NEB: variants seen among roughly 807,000 people sequenced by gnomAD.
NEB encodes the protein nebulin.
In NEB, 512 loss-of-function variants were observed where a neutral mutation model predicts 952.2. The observed-to-expected ratio is 0.54, with a 90% CI of 0.50 to 0.58. The LOEUF (loss-of-function observed/expected upper bound fraction) is 0.58. NEB is among the 20% of genes least tolerant of loss of function. The probability of loss-of-function intolerance (pLI) is 0.00; values close to 1 mark genes in which losing one functional copy is unlikely to be tolerated. For synonymous variants in NEB, 2,900 were observed against 3,149.8 expected, an observed-to-expected ratio of 0.92 and a Z score of 2.66; for missense variants, 8,428 against 9,231.1, an observed-to-expected ratio of 0.91 and a Z score of 3.56.
In NEB at chr2:151,524,654, C is replaced by CTTTTTTTTTTT. The variant is rs5835371; in HGVS notation, c.22273-49_22273-39dup. 13 of 257,382 alleles carry CTTTTTTTTTTT rather than the reference C, an allele frequency of 5.1e-5. 3 individuals carry two copies. Among genetic ancestry groups the CTTTTTTTTTTT allele is most frequent in the African/African-American group, 4.6e-4 (6 of 13,092 alleles). 15.9% of individuals were successfully genotyped at this position (257,382 alleles called of 1,614,324 possible). ...AGAAAATGTTTACTCAAGAGAGAGGCTTTTTTTTTTTTTTTTTTTTTTTTT... is the reference window on the plus strand; with the variant it reads ...AGAAAATGTTTACTCAAGAGAGAGGCTTTTTTTTTTTTTTTTTTTTTTTTTTTTTTTTTTTT... On this transcript the variant is annotated intron_variant, in intron 151 of 181. Transcript: ENST00000397345.
rs1377050628 is a variant in NEB at position 151,679,737 on chromosome 2, C to T, written c.3239G>A (p.Arg1080Lys). 3 of 1,613,586 alleles carry T rather than the reference C, an allele frequency of 1.9e-6. No homozygotes were observed. In the East Asian group the frequency reaches 6.7e-5, roughly 36 times the overall value. Residue 1080 changes from arginine (R) to lysine (K), a missense_variant, in exon 32 of 182, where the codon AGG becomes AAG. Arg to Lys is a conservative substitution (Grantham distance 26, BLOSUM62 2). Coordinates refer to ENST00000397345, the MANE Select transcript of NEB (RefSeq NM_001164508.2). ...TGGACTTACGTCACTCGCCGCCTGC[C>T]TGGCAGCTTTGGCAGCTCTGATGGG... Reference protein sequence around the residue: ...AIPIRAAKAARQAASDVQYKK... With the variant: ...AIPIRAAKAAKQAASDVQYKK...
intron 181 of NEB, among the ~76,000 whole-genome samples, chr2:151,487,134 C>T (rs568389927): frequency 3.3e-5 from 5 of 152,188 alleles, no homozygotes; most frequent in South Asian, 2.1e-4. Flanking sequence ...TTCTACCTTT[C>T]GAAGAGGTCA....
intron 80 of NEB, 41 bp downstream of exon 80, chr2:151,610,475 G>T: frequency 6.7e-7 from 1 of 1,482,748 alleles, no homozygotes; most frequent in Non-Finnish European, 9.4e-7. Flanking sequence ...GGGTTGTTCA[G>T]CACAGTGGAG....
intron 105 of NEB, among the ~76,000 whole-genome samples, chr2:151,576,965 T>G (rs1434620563): frequency 6.6e-6 from 1 of 152,196 alleles, no homozygotes; most frequent in East Asian, 1.9e-4. Context: ...GTAGTGCCCA[T>G]GTGCATTCTA....
chr2:151,733,305 G>T (rs762043216), intron 2 of NEB, 120 bp from the exon 3 acceptor site: 11 of 714,730 alleles, frequency 1.5e-5, no homozygotes, highest in Non-Finnish European at 2.5e-5. Context: ...ATATATTGTT[G>T]CAGGCTAAAG....
Position 151,548,425 on chromosome 2 carries a change from C to T in NEB, c.20050-10G>A. ...CTTCTTTGTACTTGAACTGCAAAAG[C>T]AAAGTCAGAATGAGATCAATGATGG... On this transcript the variant is annotated splice_polypyrimidine_tract_variant and intron_variant, in intron 130 of 181. Coordinates refer to ENST00000397345, the MANE Select transcript of NEB (RefSeq NM_001164508.2). 6.4e-7 allele frequency: 1 copy of T among 1,568,968 alleles called. No homozygotes were observed. Among genetic ancestry groups the T allele is most frequent in the East Asian group, 2.2e-5 (1 of 44,604 alleles).
chr2:151,563,478 A>G, intron 119 of NEB, 128 bp downstream of exon 119: 3 of 791,230 alleles, frequency 3.8e-6, no homozygotes, highest in South Asian at 3.1e-5. Flanking sequence ...GGTGAGGAAA[A>G]TCTCAGGAAG....
At chr2:151,703,934 C>T in intron 13 of NEB, among the ~76,000 whole-genome samples, 1 of 133,364 alleles carries the variant, frequency 7.5e-6, no homozygotes, top group East Asian at 2.2e-4. Flanking sequence ...AGGAGAGGCG[C>T]TCTGCGTTTT....
intron 10 of NEB, among the ~76,000 whole-genome samples, chr2:151,715,894 T>C (rs903682869): frequency 4.6e-5 from 7 of 152,236 alleles, no homozygotes; most frequent in African/African-American, 1.4e-4. Context: ...AGAATGATTA[T>C]AGACGAGTTT....
chr2:151,538,028 A>G, intron 139 of NEB, 52 bp from the exon 140 acceptor site: 1 of 1,540,342 alleles, frequency 6.5e-7, no homozygotes, highest in Non-Finnish European at 9.0e-7. Context: ...AGTTAATGTA[A>G]ATATGGCTTC....
At chr2:151,679,681 C>CCCCCCA in intron 32 of NEB, 40 bp downstream of exon 32, 1 of 957,200 alleles carries the variant, frequency 1.0e-6, no homozygotes, top group Non-Finnish European at 1.7e-6. Context: ...CACCCACCCA[C>CCCCCCA]ATTTTCTAGT....
At position 151,568,299 on chromosome 2, in the gene NEB, G is replaced by T. The variant is rs1198768331; in HGVS notation, c.17736+17C>A. Reference sequence around the variant, plus strand: ...CCACTCGTACACAAACACCAGGCATGTGGGTGAAACCCATACCTGGTCCAG... The same window carrying T: ...CCACTCGTACACAAACACCAGGCATTTGGGTGAAACCCATACCTGGTCCAG... On this transcript the variant is annotated intron_variant, in intron 112 of 181. Coordinates refer to ENST00000397345, the MANE Select transcript of NEB (RefSeq NM_001164508.2). The T allele has an allele frequency of 6.2e-7, 1 of 1,610,140 alleles. No individual in the cohort carries two copies. The highest frequency in any genetic ancestry group is 1.3e-5 in the African/African-American group (1 of 74,888).
At chr2:151,547,793 T>A in intron 131 of NEB, 55 bp from the exon 132 acceptor site, 1 of 1,160,764 alleles carries the variant, frequency 8.6e-7, no homozygotes, top group Non-Finnish European at 1.3e-6. Context: ...CGAGGGCATC[T>A]ACTGACTAAT....
chr2:151,520,245 G>C (rs1365874297), intron 153 of NEB, among the ~76,000 whole-genome samples: 5 of 152,248 alleles, frequency 3.3e-5, no homozygotes, highest in African/African-American at 1.2e-4. Flanking sequence ...TTTTAAAATA[G>C]TACTTTGGCT....
chr2:151,610,935 A>T (rs1172459658), intron 78 of NEB, 69 bp from the exon 79 acceptor site: 5 of 930,524 alleles, frequency 5.4e-6, no homozygotes, highest in Non-Finnish European at 8.0e-6. Flanking sequence ...AAAGCCAATA[A>T]CATCATTACA....
chr2:151,566,845 C>G (rs1433433730), intron 114 of NEB, among the ~76,000 whole-genome samples: 2 of 152,160 alleles, frequency 1.3e-5, no homozygotes, highest in East Asian at 1.9e-4. Flanking sequence ...CAATTCCCAC[C>G]CAAGCCAATT....
intron 24 of NEB, chr2:151,690,133 G>C (rs2099536587): frequency 6.5e-6 from 1 of 154,224 alleles, no homozygotes; most frequent in Non-Finnish European, 1.4e-5. Context: ...AGGGTCAGCA[G>C]GCGATTGCAT....
chr2:151,695,744 G>T, intron 17 of NEB, 62 bp from the exon 18 acceptor site: 2 of 1,287,388 alleles, frequency 1.6e-6, no homozygotes, highest in Non-Finnish European at 2.2e-6. Context: ...AAATTCTTGT[G>T]TGGTACATTT....
At position 151,695,596 on chromosome 2, in the gene NEB, A is replaced by G; in HGVS notation, c.1656T>C (p.Asn552=). 1.2e-6 allele frequency: 2 copies of G among 1,613,670 alleles called. No homozygotes were observed. Among genetic ancestry groups the G allele is most frequent in the South Asian group, 2.2e-5 (2 of 91,056 alleles). ...DTPAFIQHKV[N]AYNLSDNLYK... ...AACTTACATCACTCAAGTTATAGGC[A>G]TTGACTTTGTGCTGGATAAAAGCAG... The change falls in exon 18 of 182, where the codon AAT becomes AAC. Residue 552 remains asparagine, a synonymous_variant. Transcript: ENST00000397345.
Sources: gnomAD v4.1 joint callset for allele counts (sites outside exome capture counted in the v4.1 genomes callset) on GRCh38, gnomAD v4.1.1 for gene constraint, MANE v1.5 for transcripts, NCBI Gene and HGNC (gene_info 2026-07-23, HGNC 2026-07-21) for gene names.